Variants in SLC24A2 observed in about 807,000 individuals in gnomAD.
The protein encoded by SLC24A2 is solute carrier family 24 member 2.
In SLC24A2, 36 loss-of-function variants were observed where a neutral mutation model predicts 62.0. The observed-to-expected ratio is 0.58, with a 90% CI of 0.44 to 0.77. The LOEUF (loss-of-function observed/expected upper bound fraction) is 0.77. Among genes scored for constraint, SLC24A2 ranks in the 30% least tolerant of loss-of-function variants. SLC24A2 has a pLI of 0.00. For missense variants in SLC24A2, 846 were observed against 817.9 expected, an observed-to-expected ratio of 1.03 and a Z score of -0.42; for synonymous variants, 358 against 294.0, an observed-to-expected ratio of 1.22 and a Z score of -2.23.
At chr9:20,078,604 G>A in the SLC24A2 span, among the ~76,000 whole-genome samples, 1 of 152,206 alleles carries the variant, frequency 6.6e-6, no homozygotes, top group African/African-American at 2.4e-5. Context: ...TGACTGTGGA[G>A]AAGCTGCTTC....
intron 2 of SLC24A2, among the ~76,000 whole-genome samples, chr9:19,694,996 T>C (rs1450667844): frequency 2.0e-5 from 3 of 150,542 alleles, no homozygotes; most frequent in South Asian, 4.2e-4. Flanking sequence ...GAGAAGGCCG[T>C]TGGGGATTTA....
At chr9:20,116,517 C>G in the SLC24A2 span, among the ~76,000 whole-genome samples, 3 of 152,142 alleles carry the variant, frequency 2.0e-5, no homozygotes, top group Non-Finnish European at 4.4e-5. Flanking sequence ...TCGTAGTTCT[C>G]CAATGGGCTT....
At chr9:19,650,634 TG>T (rs2118154948) in intron 2 of SLC24A2, among the ~76,000 whole-genome samples, 1 of 152,308 alleles carries the variant, frequency 6.6e-6, no homozygotes, top group South Asian at 2.1e-4. Context: ...GCTGTGACCT[TG>T]GCCTCATTAA....
chr9:19,559,306 A>G (rs1835276225), intron 7 of SLC24A2, among the ~76,000 whole-genome samples: 1 of 152,210 alleles, frequency 6.6e-6, no homozygotes, highest in African/African-American at 2.4e-5. Flanking sequence ...CCACTTACCC[A>G]ATATTTATCA....
the SLC24A2 span, among the ~76,000 whole-genome samples, chr9:20,154,005 T>C: frequency 6.6e-6 from 1 of 151,886 alleles, no homozygotes; most frequent in African/African-American, 2.4e-5. Flanking sequence ...TGTGCAACTG[T>C]ATACCCCAGA....
At chr9:20,256,380 G>C in the SLC24A2 span, among the ~76,000 whole-genome samples, 2 of 152,162 alleles carry the variant, frequency 1.3e-5, no homozygotes, top group African/African-American at 4.8e-5. Context: ...GCTCTTCTGG[G>C]AATACTCAAG....
the SLC24A2 span, among the ~76,000 whole-genome samples, chr9:19,833,939 C>T: frequency 6.6e-6 from 1 of 152,190 alleles, no homozygotes; most frequent in Non-Finnish European, 1.5e-5. Flanking sequence ...GTTCTGCAGC[C>T]ACCACTGCTG....
chr9:19,875,922 G>C, the SLC24A2 span, among the ~76,000 whole-genome samples: 2 of 152,150 alleles, frequency 1.3e-5, no homozygotes, highest in Non-Finnish European at 2.9e-5. Context: ...CTCCAGTTGT[G>C]CATGGTAATG....
the SLC24A2 span, among the ~76,000 whole-genome samples, chr9:20,307,705 G>C: frequency 6.6e-6 from 1 of 152,162 alleles, no homozygotes; most frequent in Non-Finnish European, 1.5e-5. Context: ...TTGGTCTTCA[G>C]CCAAGTGCTA....
In SLC24A2 at chr9:19,516,091, G is replaced by GC; in HGVS notation, c.*61dup. On this transcript the variant is annotated 3_prime_UTR_variant, in exon 11 of 11. Transcript: ENST00000341998. ...CTGCCTCTTCTCAAGAGGTCAAGGA[G>GC]CCCAGAGCCCAGAGTGTGGAGGGAC... 6.2e-7 allele frequency: 1 copy of GC among 1,606,080 alleles called. No homozygotes were observed. The highest frequency in any genetic ancestry group is 1.3e-5 in the African/African-American group (1 of 74,866).
chr9:19,965,894 G>C, the SLC24A2 span, among the ~76,000 whole-genome samples: 1 of 152,104 alleles, frequency 6.6e-6, no homozygotes, highest in South Asian at 2.1e-4. Context: ...AAAACTATGA[G>C]TAAAGACATA....
chr9:20,065,061 G>A, the SLC24A2 span, among the ~76,000 whole-genome samples: 1 of 152,200 alleles, frequency 6.6e-6, no homozygotes, highest in African/African-American at 2.4e-5. Flanking sequence ...AGCTGCTGGA[G>A]ACATGTGTTT....
At chr9:20,080,407 G>A in the SLC24A2 span, among the ~76,000 whole-genome samples, 1 of 152,172 alleles carries the variant, frequency 6.6e-6, no homozygotes, top group African/African-American at 2.4e-5. Context: ...ATGGTGCTGG[G>A]AAAACTGGCT....
the SLC24A2 span, among the ~76,000 whole-genome samples, chr9:20,015,001 T>C: frequency 7.2e-5 from 11 of 152,300 alleles, no homozygotes; most frequent in Admixed American, 1.3e-4. Context: ...TATAAATGTA[T>C]AGAATTATAG....
the SLC24A2 span, among the ~76,000 whole-genome samples, chr9:19,810,004 A>G: frequency 1.3e-5 from 2 of 152,198 alleles, no homozygotes; most frequent in African/African-American, 2.4e-5. Flanking sequence ...CCACTTCACA[A>G]TGAAGAGTCT....
At chr9:19,830,719 C>A in the SLC24A2 span, among the ~76,000 whole-genome samples, 1 of 152,148 alleles carries the variant, frequency 6.6e-6, no homozygotes, top group African/African-American at 2.4e-5. Context: ...CTTTCCCTAA[C>A]TGGACATTGC....
intron 2 of SLC24A2, among the ~76,000 whole-genome samples, chr9:19,762,413 G>C (rs963930837): frequency 3.9e-5 from 6 of 152,094 alleles, no homozygotes; most frequent in Non-Finnish European, 7.4e-5. Flanking sequence ...TATTGCCTAG[G>C]TTTTCTTCTA....
intron 2 of SLC24A2, among the ~76,000 whole-genome samples, chr9:19,785,663 G>A (rs1823142448): frequency 6.6e-6 from 1 of 152,198 alleles, no homozygotes; most frequent in Non-Finnish European, 1.5e-5. Context: ...ACAAATAACT[G>A]CTGAATTGGC....
At chr9:20,239,543 T>G in the SLC24A2 span, among the ~76,000 whole-genome samples, 10 of 152,136 alleles carry the variant, frequency 6.6e-5, no homozygotes, top group African/African-American at 2.4e-4. Context: ...GGGGCCCTCT[T>G]AGGCTTGAGG....
Sources: allele counts gnomAD v4.1 joint callset (sites outside exome capture counted in the v4.1 genomes callset), GRCh38; gene constraint gnomAD v4.1.1; transcripts MANE v1.5; gene names NCBI Gene and HGNC (gene_info 2026-07-23, HGNC 2026-07-21).